The following RNASE2 variants were observed in gnomAD, a reference collection of about 807,000 sequenced individuals.
The protein encoded by RNASE2 is non-secretory ribonuclease.
For missense variants in RNASE2, 170 were observed against 197.9 expected (o/e 0.86, Z 0.85); for synonymous variants, 67 against 68.9 (o/e 0.97, Z 0.13).
Position 20,956,363 on chromosome 14 carries a change from A to C in RNASE2, c.*106A>C. 1 of 1,495,170 alleles carries C rather than the reference A, an allele frequency of 6.7e-7. No individual in the cohort carries two copies. Among genetic ancestry groups the C allele is most frequent in the African/African-American group, 1.4e-5 (1 of 71,730 alleles). 92.6% of individuals were successfully genotyped at this position (1,495,170 alleles called of 1,614,324 possible). A position where few individuals can be genotyped will look rare whatever the true frequency, so the allele number is the denominator to read the frequency against. ...TTGGGTATCAGCATCTGTCCTCATC[A>C]GTCTCCATACCCCTTCAGCTTTCCT... On this transcript the variant is annotated 3_prime_UTR_variant, in exon 2 of 2. Transcript: ENST00000304625.
Position 20,955,899 on chromosome 14 carries a change from T to G in RNASE2, c.128T>G (p.Ile43Ser). 1 of 1,614,202 alleles carries G rather than the reference T, an allele frequency of 6.2e-7. No individual in the cohort carries two copies. The highest frequency in any genetic ancestry group is 8.5e-7 in the Non-Finnish European group (1 of 1,180,040). The change falls in exon 2 of 2, where the codon ATC becomes AGC. Residue 43 changes from isoleucine (I) to serine (S), a missense_variant. Ile to Ser is a moderately radical substitution (Grantham distance 142). Transcript: ENST00000304625. Reference protein sequence around the residue: ...TWAQWFETQHINMTSQQCTNA... With the variant: ...TWAQWFETQHSNMTSQQCTNA... ...GCTCAATGGTTTGAAACCCAGCACA[T>G]CAATATGACCTCCCAGCAATGCACC...
chr14:20,956,355 T>C lies in RNASE2; in HGVS notation c.*98T>C. 6.6e-7 allele frequency: 1 copy of C among 1,521,220 alleles called. No homozygotes were observed. Among genetic ancestry groups the C allele is most frequent in the Non-Finnish European group, 8.9e-7 (1 of 1,124,320 alleles). 94.2% of individuals were successfully genotyped at this position (1,521,220 alleles called of 1,614,324 possible). The stretch of plus-strand genomic sequence containing the variant: ...CATATACTTTGGGTATCAGCATCTG[T>C]CCTCATCAGTCTCCATACCCCTTCA... On this transcript the variant is annotated 3_prime_UTR_variant, in exon 2 of 2. Coordinates refer to ENST00000304625, the MANE Select transcript of RNASE2 (RefSeq NM_002934.3).
In RNASE2 at chr14:20,955,957, G is replaced by A. The variant is rs559400945; in HGVS notation, c.186G>A (p.Arg62=). 5.6e-6 allele frequency: 9 copies of A among 1,613,960 alleles called. No individual in the cohort carries two copies. The highest frequency in any genetic ancestry group is 4.0e-5 in the African/African-American group (3 of 74,874). ...TGCAGGTCATTAACAATTATCAACG[G>A]CGATGCAAAAACCAAAATACTTTCC... ...NAMQVINNYQ[R]RCKNQNTFLL... Residue 62 remains arginine (R), a synonymous_variant, in exon 2 of 2, where the codon CGG becomes CGA. Transcript: ENST00000304625.
intron 1 of RNASE2, 33 bp from the exon 2 acceptor site, chr14:20,955,734 C>T (rs755649393): frequency 6.4e-7 from 1 of 1,571,770 alleles, no homozygotes; most frequent in Non-Finnish European, 8.6e-7. Context: ...AAGACCCGAT[C>T]AGGGAGTAGT....
Position 20,955,760 on chromosome 14 carries a change from C to G in RNASE2, c.-5-7C>G, listed in dbSNP as rs2138707292. The stretch of plus-strand genomic sequence containing the variant: ...AGGGAGTAGTTACTTCTCTTCTTTT[C>G]TTACAGGAAACATGGTTCCAAAACT... On this transcript the variant is annotated splice_polypyrimidine_tract_variant and splice_region_variant and intron_variant, in intron 1 of 1. Coordinates refer to ENST00000304625, the MANE Select transcript of RNASE2 (RefSeq NM_002934.3). 1.0e-5 allele frequency: 16 copies of G among 1,596,048 alleles called. No homozygotes were observed. The highest frequency in any genetic ancestry group is 1.7e-5 in the Admixed American group (1 of 57,580).
At position 20,955,502 on chromosome 14, in the gene RNASE2, A is replaced by C; in HGVS notation, c.-40A>C. On this transcript the variant is annotated 5_prime_UTR_variant, in exon 1 of 2. Transcript: ENST00000304625. ...CCTGAACCCCAGAACAACCAGCTGGATCAGTTCTCACAGGAGCTACAGCGC... is the reference window on the plus strand; with the variant it reads ...CCTGAACCCCAGAACAACCAGCTGGCTCAGTTCTCACAGGAGCTACAGCGC... 1 of 492,230 alleles carries C rather than the reference A, an allele frequency of 2.0e-6. No individual in the cohort carries two copies. The highest frequency in any genetic ancestry group is 3.3e-5 in the East Asian group (1 of 29,944). The allele number at this position is 492,230 out of a possible 1,614,324, so 30.5% of individuals were successfully genotyped here. A position where few individuals can be genotyped will look rare whatever the true frequency, so the allele number is the denominator to read the frequency against.
rs202221776 is a variant in RNASE2 at position 20,955,897 on chromosome 14, C to G, written c.126C>G (p.His42Gln). 1 of 1,614,204 alleles carries G rather than the reference C, an allele frequency of 6.2e-7. No homozygotes were observed. The highest frequency in any genetic ancestry group is 8.5e-7 in the Non-Finnish European group (1 of 1,180,038). ...GGGCTCAATGGTTTGAAACCCAGCA[C>G]ATCAATATGACCTCCCAGCAATGCA... The part of the protein sequence containing the change: ...FTWAQWFETQ[H>Q]INMTSQQCTN... The change falls in exon 2 of 2, where the codon CAC (histidine) becomes CAG (glutamine). Residue 42 changes from histidine to glutamine, a missense_variant. By Grantham distance (24) the His-to-Gln change is conservative (BLOSUM62 0). Coordinates refer to ENST00000304625, the MANE Select transcript of RNASE2 (RefSeq NM_002934.3).
In RNASE2 at chr14:20,956,025, C is replaced by G; in HGVS notation, c.254C>G (p.Pro85Arg). The G allele has an allele frequency of 6.2e-7, 1 of 1,614,152 alleles. No homozygotes were observed. The highest frequency in any genetic ancestry group is 8.5e-7 in the Non-Finnish European group (1 of 1,180,018). ...FANVVNVCGN[P>R]NMTCPSNKTR... The stretch of plus-strand genomic sequence containing the variant: ...AACGTAGTTAATGTTTGTGGTAACC[C>G]AAATATGACCTGTCCTAGTAACAAA... Residue 85 changes from proline (P) to arginine (R), a missense_variant, in exon 2 of 2, where the codon CCA becomes CGA. Physicochemically the swap from Pro to Arg is moderately radical, Grantham distance 103. Transcript: ENST00000304625.
At position 20,955,762 on chromosome 14, in the gene RNASE2, T is replaced by C. The variant is rs373662172; in HGVS notation, c.-5-5T>C. 3.3e-5 allele frequency: 52 copies of C among 1,597,604 alleles called. No individual in the cohort carries two copies. In the African/African-American group the frequency reaches 4.0e-4, roughly 12 times the overall value. Reference sequence around the variant, plus strand: ...GGAGTAGTTACTTCTCTTCTTTTCTTACAGGAAACATGGTTCCAAAACTGT... The same window carrying C: ...GGAGTAGTTACTTCTCTTCTTTTCTCACAGGAAACATGGTTCCAAAACTGT... On this transcript the variant is annotated splice_polypyrimidine_tract_variant and splice_region_variant and intron_variant, in intron 1 of 1. Coordinates refer to ENST00000304625, the MANE Select transcript of RNASE2 (RefSeq NM_002934.3).
At chr14:20,955,733 T>A in intron 1 of RNASE2, 34 bp from the exon 2 acceptor site, 3 of 1,571,162 alleles carry the variant, frequency 1.9e-6, no homozygotes, top group Non-Finnish European at 2.6e-6. Context: ...CAAGACCCGA[T>A]CAGGGAGTAG....
At chr14:20,955,664 G>A in intron 1 of RNASE2, 103 bp from the exon 2 acceptor site, 2 of 1,423,980 alleles carry the variant, frequency 1.4e-6, no homozygotes, top group Non-Finnish European at 9.5e-7. Context: ...AAGGAAATGG[G>A]ACCCCAGAGT....
Position 20,955,974 on chromosome 14 carries a change from A to G in RNASE2, c.203A>G (p.Asn68Ser), listed in dbSNP as rs749782835. ...NNYQRRCKNQ[N>S]TFLLTTFANV... is the part of the protein sequence containing the mutation. ...TATCAACGGCGATGCAAAAACCAAAATACTTTCCTTCTTACAACTTTTGCT... is the reference window on the plus strand; with the variant it reads ...TATCAACGGCGATGCAAAAACCAAAGTACTTTCCTTCTTACAACTTTTGCT... The change falls in exon 2 of 2, where the codon AAT becomes AGT. Residue 68 changes from asparagine (N) to serine (S), a missense_variant. Coordinates refer to ENST00000304625, the MANE Select transcript of RNASE2 (RefSeq NM_002934.3). The G allele has an allele frequency of 2.5e-6, 4 of 1,614,094 alleles. No homozygotes were observed. In the African/African-American group the frequency reaches 5.3e-5, roughly 22 times the overall value.
At chr14:20,955,732 A>C (rs370910984) in intron 1 of RNASE2, 35 bp from the exon 2 acceptor site, 430 of 1,570,608 alleles carry the variant, frequency 2.7e-4, no homozygotes, top group Non-Finnish European at 3.5e-4. Flanking sequence ...CCAAGACCCG[A>C]TCAGGGAGTA....
In RNASE2 at chr14:20,955,852, CA is replaced by C; in HGVS notation, c.84del (p.Lys28AsnfsTer18). On this transcript the variant is annotated frameshift_variant, in exon 2 of 2. Transcript: ENST00000304625. LOFTEE classifies it low-confidence loss of function (END_TRUNC). ...LLAVEGSLHV[K>X]PPQFTWAQWF... ...TGGCTGTGGAGGGCTCACTCCATGT[CA>C]AACCTCCACAGTTTACCTGGGCTCA... 6.2e-7 allele frequency: 1 copy of C among 1,614,206 alleles called. No individual in the cohort carries two copies. Among genetic ancestry groups the C allele is most frequent in the Non-Finnish European group, 8.5e-7 (1 of 1,180,042 alleles).
In RNASE2 at chr14:20,956,364, G is replaced by A; in HGVS notation, c.*107G>A. 6.7e-7 allele frequency: 1 copy of A among 1,488,792 alleles called. No homozygotes were observed. The highest frequency in any genetic ancestry group is 9.1e-7 in the Non-Finnish European group (1 of 1,097,774). 92.2% of individuals were successfully genotyped at this position (1,488,792 alleles called of 1,614,324 possible). ...TGGGTATCAGCATCTGTCCTCATCAGTCTCCATACCCCTTCAGCTTTCCTG... is the reference window on the plus strand; with the variant it reads ...TGGGTATCAGCATCTGTCCTCATCAATCTCCATACCCCTTCAGCTTTCCTG... On this transcript the variant is annotated 3_prime_UTR_variant, in exon 2 of 2. Transcript: ENST00000304625.
rs1879189508 is a variant in RNASE2 at position 20,955,848 on chromosome 14, A to G, written c.77A>G (p.His26Arg). ...CTTCTGGCTGTGGAGGGCTCACTCC[A>G]TGTCAAACCTCCACAGTTTACCTGG... Reference protein sequence around the residue: ...LGLLAVEGSLHVKPPQFTWAQ... With the variant: ...LGLLAVEGSLRVKPPQFTWAQ... Residue 26 changes from histidine (H) to arginine (R), a missense_variant, in exon 2 of 2, where the codon CAT (histidine) becomes CGT (arginine). Transcript: ENST00000304625. 1.2e-6 allele frequency: 2 copies of G among 1,614,190 alleles called. No individual in the cohort carries two copies. Among genetic ancestry groups the G allele is most frequent in the East Asian group, 4.5e-5 (2 of 44,886 alleles).
At position 20,955,810 on chromosome 14, in the gene RNASE2, T is replaced by G. The variant is rs199921385; in HGVS notation, c.39T>G (p.Leu13=). 20 of 1,612,462 alleles carry G rather than the reference T, an allele frequency of 1.2e-5. No homozygotes were observed. The highest frequency in any genetic ancestry group is 1.7e-5 in the Admixed American group (1 of 59,684). The part of the protein sequence containing the change: ...PKLFTSQICL[L]LLLGLLAVEG... ...TGTTCACTTCCCAAATTTGTCTGCTTCTTCTGTTGGGGCTTCTGGCTGTGG... is the reference window on the plus strand; with the variant it reads ...TGTTCACTTCCCAAATTTGTCTGCTGCTTCTGTTGGGGCTTCTGGCTGTGG... Residue 13 remains leucine, a synonymous_variant, in exon 2 of 2, where the codon CTT becomes CTG. Coordinates refer to ENST00000304625, the MANE Select transcript of RNASE2 (RefSeq NM_002934.3).
rs1385877847 is a variant in RNASE2, at chr14:20,956,278, C to T, written c.*21C>T. 4.3e-6 allele frequency: 7 copies of T among 1,609,426 alleles called. No homozygotes were observed. Among genetic ancestry groups the T allele is most frequent in the East Asian group, 4.5e-5 (2 of 44,844 alleles). ...TCTAAGCTCCTGTATCAGCACTCCT[C>T]ATCATCACTCATCTGCCAAGCTCCT... On this transcript the variant is annotated 3_prime_UTR_variant, in exon 2 of 2. Coordinates refer to ENST00000304625, the MANE Select transcript of RNASE2 (RefSeq NM_002934.3).
In RNASE2 at chr14:20,955,996, T is replaced by C. The variant is rs2138707639; in HGVS notation, c.225T>C (p.Phe75=). ...AAAATACTTTCCTTCTTACAACTTT[T>C]GCTAACGTAGTTAATGTTTGTGGTA... ...KNQNTFLLTT[F]ANVVNVCGNP... The change falls in exon 2 of 2, where the codon TTT becomes TTC. Residue 75 remains phenylalanine, a synonymous_variant. Transcript: ENST00000304625. The C allele has an allele frequency of 1.9e-6, 3 of 1,614,216 alleles. No homozygotes were observed. The highest frequency in any genetic ancestry group is 1.3e-5 in the African/African-American group (1 of 75,048).
Sources: gnomAD v4.1 joint callset for allele counts on GRCh38, gnomAD v4.1.1 for gene constraint, MANE v1.5 for transcripts, NCBI Gene and HGNC (gene_info 2026-07-23, HGNC 2026-07-21) for gene names.